The following RIMBP2 variants were observed in gnomAD, a reference collection of about 807,000 sequenced individuals.
RIMBP2 encodes the protein RIMS-binding protein 2.
A neutral mutation model predicts 118.6 loss-of-function variants in RIMBP2; 48 were observed. The ratio of observed to expected loss-of-function variants is 0.40; its 90% confidence interval spans 0.32 to 0.51. The LOEUF (loss-of-function observed/expected upper bound fraction) is 0.51, where lower values mean the gene tolerates loss of function less well. Ranked by LOEUF, RIMBP2 falls within the 20% of genes least tolerant of loss-of-function variation. The pLI is 0.41. For missense variants in RIMBP2, 1,551 were observed against 1,768.3 expected (o/e 0.88, Z 2.20); for synonymous variants, 762 against 742.9 (o/e 1.03, Z -0.42).
intron 2 of RIMBP2, among the ~76,000 whole-genome samples, chr12:130,573,680 C>A (rs985560530): frequency 2.6e-5 from 4 of 152,024 alleles, no homozygotes; most frequent in Non-Finnish European, 4.4e-5. Flanking sequence ...TCCTCAGTGA[C>A]AGGGGTAGCC....
At chr12:130,496,542 T>C (rs2049177831) in intron 4 of RIMBP2, among the ~76,000 whole-genome samples, 1 of 152,166 alleles carries the variant, frequency 6.6e-6, no homozygotes, top group East Asian at 1.9e-4. Context: ...TCCATCCACT[T>C]CCTGCAGGAG....
At position 130,673,614 on chromosome 12, in the gene RIMBP2, G is replaced by A. The variant is rs929902298; in HGVS notation, c.-352+42608C>T. ...ATCCTGCTTCGAGCCTGGATGAAAG[G>A]CCATTGCAGTAGAACTGGAACTGCA... is the stretch of plus-strand genomic sequence containing the variant. On this transcript the variant is annotated intron_variant, in intron 1 of 22. Transcript: ENST00000690449. 2.0e-5 allele frequency among the ~76,000 whole-genome samples: 3 copies of A among 152,190 alleles called. No homozygotes were observed. The East Asian group carries it at 5.8e-4, about 29-fold the overall frequency.
intron 21 of RIMBP2, among the ~76,000 whole-genome samples, chr12:130,402,175 C>G (rs4759671): frequency 0.98 from 148,808 of 152,222 alleles, 72,831 homozygotes; most frequent in East Asian, 1. Flanking sequence ...GACGACGGGA[C>G]TTGCTCGCGG....
chr12:130,508,501 C>T (rs1182778526), intron 3 of RIMBP2, among the ~76,000 whole-genome samples: 7 of 151,964 alleles, frequency 4.6e-5, no homozygotes, highest in Admixed American at 2.6e-4. Flanking sequence ...GATCTCTACC[C>T]GGCCCTGCCC....
At chr12:130,679,872 C>G (rs550313601) in intron 1 of RIMBP2, among the ~76,000 whole-genome samples, 10 of 152,288 alleles carry the variant, frequency 6.6e-5, no homozygotes, top group East Asian at 1.9e-4. Flanking sequence ...AGAGTGTGTT[C>G]GCCCGCCACG....
At chr12:130,636,160 A>G (rs1431634501) in intron 1 of RIMBP2, among the ~76,000 whole-genome samples, 3 of 152,062 alleles carry the variant, frequency 2.0e-5, no homozygotes, top group Admixed American at 6.5e-5. Context: ...CTATCCCCCA[A>G]TGAGGCTGGT....
chr12:130,695,620 A>C (rs2065529117), intron 1 of RIMBP2, among the ~76,000 whole-genome samples: 1 of 151,962 alleles, frequency 6.6e-6, no homozygotes, highest in African/African-American at 2.4e-5. Flanking sequence ...GGGCAGGAAA[A>C]CCACTGGAAG....
chr12:130,432,848 C>G (rs1334210072), intron 14 of RIMBP2, among the ~76,000 whole-genome samples: 2 of 152,312 alleles, frequency 1.3e-5, no homozygotes, highest in South Asian at 4.1e-4. Context: ...CAACAGTCAA[C>G]AGAAATCCTA....
At chr12:130,439,202 ATGTGTATATG>A (rs2077807444) in intron 11 of RIMBP2, among the ~76,000 whole-genome samples, 1 of 82,528 alleles carries the variant, frequency 1.2e-5, no homozygotes, top group Non-Finnish European at 3.2e-5. Flanking sequence ...GTGTGCATAT[ATGTGTATATG>A]TGGATGTGTT....
At chr12:130,514,441 C>T (rs370884365) in intron 3 of RIMBP2, among the ~76,000 whole-genome samples, 36 of 152,374 alleles carry the variant, frequency 2.4e-4, no homozygotes, top group African/African-American at 7.9e-4. Flanking sequence ...GAGGGCTGAG[C>T]GCTGGGACCC....
intron 1 of RIMBP2, among the ~76,000 whole-genome samples, chr12:130,676,861 G>T (rs144539677): frequency 3.3e-5 from 5 of 152,138 alleles, no homozygotes; most frequent in African/African-American, 1.2e-4. Context: ...TGGGGTCAGG[G>T]TGAGGGGAGG....
chr12:130,687,602 G>A lies in RIMBP2; in HGVS notation c.-352+28620C>T, dbSNP rs866023660. 2.6e-5 allele frequency among the ~76,000 whole-genome samples: 4 copies of A among 152,258 alleles called. No homozygotes were observed. In the South Asian group the frequency reaches 8.3e-4, roughly 32 times the overall value. On this transcript the variant is annotated intron_variant, in intron 1 of 22. Coordinates refer to ENST00000690449, the MANE Select transcript of RIMBP2 (RefSeq NM_001393629.1). ...TAAAGCTTCTAGGTGACTGGGCATT[G>A]AACAAAGTAGATGAATAAATACAAG...
chr12:130,691,252 C>T lies in RIMBP2; in HGVS notation c.-352+24970G>A, dbSNP rs115569994. 4.7e-3 allele frequency among the ~76,000 whole-genome samples: 710 copies of T among 152,318 alleles called. 7 individuals are homozygous for T. The highest frequency in any genetic ancestry group is 0.016 in the African/African-American group (677 of 41,566). On this transcript the variant is annotated intron_variant, in intron 1 of 22. Transcript: ENST00000690449. ...ACACCTGCAACGCTGACCACAGCAA[C>T]GGCTTCCTGGGAGTCAGTGAAGGCC...
intron 2 of RIMBP2, among the ~76,000 whole-genome samples, chr12:130,526,199 T>A (rs1488622999): frequency 2.0e-5 from 3 of 152,146 alleles, no homozygotes; most frequent in Non-Finnish European, 1.5e-5. Flanking sequence ...TTTAGTTCCA[T>A]GAAATCTAAA....
chr12:130,642,877 C>T (rs2062686461), intron 1 of RIMBP2, among the ~76,000 whole-genome samples: 1 of 152,174 alleles, frequency 6.6e-6, no homozygotes. Context: ...CGTGCCCTCT[C>T]GGCCAGGCCA....
chr12:130,415,980 A>ACACAC lies in RIMBP2; in HGVS notation c.3239-1675_3239-1674insGTGTG, dbSNP rs58544830. 2.6e-3 allele frequency among the ~76,000 whole-genome samples: 386 copies of ACACAC among 149,420 alleles called. 1 individual carries two copies. Among genetic ancestry groups the ACACAC allele is most frequent in the Middle Eastern group, 6.9e-3 (2 of 290 alleles). ...ATAGCCACACACACACACACACACA[A>ACACAC]AATATACAGAATACATCTAACCAAG... is the stretch of plus-strand genomic sequence containing the variant. On this transcript the variant is annotated intron_variant, in intron 17 of 22. Transcript: ENST00000690449.
intron 1 of RIMBP2, among the ~76,000 whole-genome samples, chr12:130,677,448 C>T (rs1033328415): frequency 1.6e-4 from 24 of 151,976 alleles, no homozygotes; most frequent in African/African-American, 4.8e-4. Flanking sequence ...GCCAACATGG[C>T]GAAACCCCAT....
At chr12:130,662,802 A>T (rs923407777) in intron 1 of RIMBP2, among the ~76,000 whole-genome samples, 1 of 151,986 alleles carries the variant, frequency 6.6e-6, no homozygotes, top group African/African-American at 2.4e-5. Flanking sequence ...CCCCACAAAG[A>T]AAAAATAGCT....
Position 130,441,867 on chromosome 12 carries a change from C to T in RIMBP2, c.1485G>A (p.Glu495=), listed in dbSNP as rs2078166295. ...EQREKKEAFV[E]FSTLPAGPPA... ...GCTCACCTGCAGGCAACGTGGAGAA[C>T]TCCACAAAGGCCTCCTTCTTCTCCC... is the stretch of plus-strand genomic sequence containing the variant. Residue 495 remains glutamate, a synonymous_variant, in exon 11 of 23, where the codon GAG becomes GAA. Transcript: ENST00000690449. The T allele has an allele frequency of 1.2e-6, 2 of 1,613,618 alleles. No homozygotes were observed. The highest frequency in any genetic ancestry group is 1.7e-5 in the Admixed American group (1 of 60,004).
Sources: allele counts gnomAD v4.1 joint callset (sites outside exome capture counted in the v4.1 genomes callset), GRCh38; gene constraint gnomAD v4.1.1; transcripts MANE v1.5; gene names NCBI Gene and HGNC (gene_info 2026-07-23, HGNC 2026-07-21).